The following RNF13 variants were observed in gnomAD, a reference collection of about 807,000 sequenced individuals.
RNF13 encodes the protein E3 ubiquitin-protein ligase RNF13.
Under a neutral mutation model 37.7 loss-of-function variants are expected in RNF13, and 19 were observed. That is an observed-to-expected ratio of 0.50 (90% CI 0.35 to 0.74). The LOEUF is 0.74. Ranked by LOEUF, RNF13 falls within the 30% of genes least tolerant of loss-of-function variation. The pLI is 0.01. For missense variants in RNF13, 375 were observed against 453.0 expected, an observed-to-expected ratio of 0.83 and a Z score of 1.56; for synonymous variants, 144 against 157.8, an observed-to-expected ratio of 0.91 and a Z score of 0.65.
intron 1 of RNF13, among the ~76,000 whole-genome samples, chr3:149,842,186 C>A (rs1262147694): frequency 6.6e-6 from 1 of 152,134 alleles, no homozygotes; most frequent in Admixed American, 6.5e-5. Context: ...TTCCTATCTG[C>A]TGATGATTCC....
intron 6 of RNF13, among the ~76,000 whole-genome samples, chr3:149,909,277 CTTT>C (rs397766921): frequency 1.4e-5 from 2 of 140,052 alleles, no homozygotes; most frequent in Non-Finnish European, 1.6e-5. Context: ...TGCTCAAAAC[CTTT>C]TTTTTTTTTT....
rs1322869200 is a variant in RNF13 at position 149,867,432 on chromosome 3, A to AT, written c.196-4590dup. ...AGGCGCCCACCACCACGCCCGGCTAATTTTTTTGTATTTTTAGTAGAGATG... is the reference window on the plus strand; with the variant it reads ...AGGCGCCCACCACCACGCCCGGCTAATTTTTTTTGTATTTTTAGTAGAGATG... On this transcript the variant is annotated intron_variant, in intron 3 of 9. Coordinates refer to ENST00000392894, the MANE Select transcript of RNF13 (RefSeq NM_183381.3). 6.6e-5 allele frequency among the ~76,000 whole-genome samples: 10 copies of AT among 151,004 alleles called. No homozygotes were observed. The East Asian group carries it at 1.8e-3, about 26-fold the overall frequency.
chr3:149,843,924 A>G (rs1722402315), intron 1 of RNF13, among the ~76,000 whole-genome samples: 1 of 152,236 alleles, frequency 6.6e-6, no homozygotes, highest in African/African-American at 2.4e-5. Flanking sequence ...GGCACTTAGT[A>G]AGAGATCAGT....
intron 3 of RNF13, among the ~76,000 whole-genome samples, chr3:149,862,572 T>C (rs751891483): frequency 5.3e-5 from 8 of 152,198 alleles, no homozygotes; most frequent in Non-Finnish European, 1.0e-4. Flanking sequence ...TGCTTTTCCA[T>C]CTAACACTAT....
At chr3:149,853,940 G>T (rs1455850875) in intron 3 of RNF13, among the ~76,000 whole-genome samples, 2 of 149,572 alleles carry the variant, frequency 1.3e-5, no homozygotes, top group Non-Finnish European at 3.0e-5. Context: ...GGGCTCAAGT[G>T]ATCCTCCCAC....
intron 3 of RNF13, among the ~76,000 whole-genome samples, chr3:149,853,453 A>AGG (rs1256765588): frequency 5.5e-5 from 5 of 91,702 alleles, no homozygotes; most frequent in African/African-American, 8.1e-5. Context: ...AGAGAGAGAG[A>AGG]GGGAGAGAGA....
chr3:149,907,341 T>G (rs1427416739), intron 6 of RNF13, among the ~76,000 whole-genome samples: 1 of 152,232 alleles, frequency 6.6e-6, no homozygotes, highest in African/African-American at 2.4e-5. Context: ...TAAGAAAGCT[T>G]CTCGTTTCTT....
chr3:149,868,864 C>T (rs1304402081), intron 3 of RNF13, among the ~76,000 whole-genome samples: 1 of 151,730 alleles, frequency 6.6e-6, no homozygotes, highest in Non-Finnish European at 1.5e-5. Context: ...TCTGACCTTC[C>T]TGTAGCTGGT....
intron 8 of RNF13, among the ~76,000 whole-genome samples, chr3:149,952,247 T>C (rs1376361825): frequency 6.6e-6 from 1 of 152,132 alleles, no homozygotes; most frequent in Non-Finnish European, 1.5e-5. Context: ...TTATTATTGA[T>C]TTGTATGCAC....
At chr3:149,864,625 A>G (rs1364556638) in intron 3 of RNF13, among the ~76,000 whole-genome samples, 2 of 152,214 alleles carry the variant, frequency 1.3e-5, no homozygotes, top group Non-Finnish European at 2.9e-5. Flanking sequence ...CACACACCAG[A>G]TGACCTTTTC....
At chr3:149,960,594 A>G (rs1722302558) in intron 9 of RNF13, 146 bp from the exon 10 acceptor site, 4 of 825,074 alleles carry the variant, frequency 4.8e-6, no homozygotes, top group Admixed American at 3.6e-5. Context: ...TCCATCTCAA[A>G]AAAAAATAAA....
intron 3 of RNF13, among the ~76,000 whole-genome samples, chr3:149,869,932 G>C (rs1025552235): frequency 6.6e-6 from 1 of 151,802 alleles, no homozygotes; most frequent in Non-Finnish European, 1.5e-5. Flanking sequence ...TCCCAACAGG[G>C]ATATCTTGGC....
At chr3:149,859,121 A>G (rs182648797) in intron 3 of RNF13, among the ~76,000 whole-genome samples, 58 of 152,300 alleles carry the variant, frequency 3.8e-4, no homozygotes, top group African/African-American at 1.3e-3. Flanking sequence ...TTAAGGCTCA[A>G]TGTGCTGGAC....
intron 3 of RNF13, among the ~76,000 whole-genome samples, chr3:149,860,267 AAAAATATAT>A (rs1378115873): frequency 1.5e-3 from 145 of 97,236 alleles, no homozygotes; most frequent in Middle Eastern, 8.7e-3. Context: ...AAAAAAAAAA[AAAAATATAT>A]ATATATATAT....
intron 4 of RNF13, among the ~76,000 whole-genome samples, chr3:149,874,067 A>G (rs568002241): frequency 1.3e-5 from 2 of 152,206 alleles, no homozygotes; most frequent in Non-Finnish European, 2.9e-5. Context: ...TTAGACAGGG[A>G]AATGTTAAAA....
chr3:149,945,218 T>C (rs1720650611), intron 8 of RNF13, among the ~76,000 whole-genome samples: 1 of 152,226 alleles, frequency 6.6e-6, no homozygotes, highest in South Asian at 2.1e-4. Context: ...TGTAGCCTTG[T>C]AGTATAGTTT....
intron 3 of RNF13, among the ~76,000 whole-genome samples, chr3:149,853,831 T>C (rs1052485734): frequency 9.4e-5 from 14 of 148,534 alleles, no homozygotes; most frequent in African/African-American, 3.5e-4. Context: ...TCTTAAAATT[T>C]CTCTTTTTTT....
chr3:149,851,685 A>G (rs1723134120), intron 2 of RNF13: 1 of 152,096 alleles, frequency 6.6e-6, no homozygotes, highest in Non-Finnish European at 1.5e-5. Flanking sequence ...TTTCTAGTAC[A>G]TCATTTTCAC....
chr3:149,852,267 G>A (rs1001876715), intron 2 of RNF13, among the ~76,000 whole-genome samples: 4 of 152,116 alleles, frequency 2.6e-5, no homozygotes, highest in African/African-American at 9.7e-5. Flanking sequence ...GAAAACAGTA[G>A]GCTGAATTAG....
Sources: gnomAD v4.1 joint callset for allele counts (sites outside exome capture counted in the v4.1 genomes callset) on GRCh38, gnomAD v4.1.1 for gene constraint, MANE v1.5 for transcripts, NCBI Gene and HGNC (gene_info 2026-07-23, HGNC 2026-07-21) for gene names.